The following SPECC1 variants were observed in gnomAD, a reference collection of about 807,000 sequenced individuals.
SPECC1 encodes sperm antigen with calponin homology and coiled-coil domains 1.
In SPECC1, 62 loss-of-function variants were observed where a neutral mutation model predicts 104.1. The observed-to-expected ratio is 0.60, with a 90% CI of 0.49 to 0.74. SPECC1 has a LOEUF of 0.74. Among genes scored for constraint, SPECC1 ranks in the 30% least tolerant of loss-of-function variants. SPECC1 has a pLI of 0.00. For synonymous variants in SPECC1, 513 were observed against 501.6 expected, an observed-to-expected ratio of 1.02 and a Z score of -0.30; for missense variants, 1,306 against 1,310.5, an observed-to-expected ratio of 1.00 and a Z score of 0.05.
intron 12 of SPECC1, among the ~76,000 whole-genome samples, chr17:20,274,325 C>T (rs1024480909): frequency 6.6e-6 from 1 of 152,164 alleles, no homozygotes; most frequent in Non-Finnish European, 1.5e-5. Flanking sequence ...GAGAGCAGGA[C>T]CTGAGTGCGG....
chr17:20,089,021 CTG>C (rs1417587291), intron 1 of SPECC1, among the ~76,000 whole-genome samples: 1 of 152,224 alleles, frequency 6.6e-6, no homozygotes, highest in Non-Finnish European at 1.5e-5. Context: ...GCCTCCAAAA[CTG>C]TAAGCAATGA....
chr17:20,310,405 C>T (rs1053007287), intron 14 of SPECC1, among the ~76,000 whole-genome samples: 4 of 152,040 alleles, frequency 2.6e-5, no homozygotes, highest in South Asian at 2.1e-4. Context: ...TACTTTTTGA[C>T]GTTCTATCAA....
chr17:20,294,185 T>G (rs1012430903), intron 12 of SPECC1, among the ~76,000 whole-genome samples: 1 of 152,178 alleles, frequency 6.6e-6, no homozygotes, highest in Non-Finnish European at 1.5e-5. Context: ...TTTAACCATG[T>G]TGGCTAAGCT....
At chr17:20,145,406 C>T (rs1352179527) in intron 3 of SPECC1, among the ~76,000 whole-genome samples, 2 of 152,142 alleles carry the variant, frequency 1.3e-5, no homozygotes, top group African/African-American at 4.8e-5. Flanking sequence ...TTCAGGGGTT[C>T]GGCATGCCAA....
intron 9 of SPECC1, among the ~76,000 whole-genome samples, chr17:20,248,214 AG>A (rs752796495): frequency 1.3e-5 from 2 of 152,198 alleles, no homozygotes; most frequent in Non-Finnish European, 2.9e-5. Flanking sequence ...AAGCTGCAGA[AG>A]GGAAGCCTTA....
At chr17:20,011,841 A>G (rs1356517201) in intron 1 of SPECC1, among the ~76,000 whole-genome samples, 1 of 151,586 alleles carries the variant, frequency 6.6e-6, no homozygotes, top group Non-Finnish European at 1.5e-5. Context: ...TGTTTTTGTT[A>G]TTTTCTAGGT....
chr17:20,239,678 C>T (rs1338591123), intron 7 of SPECC1, among the ~76,000 whole-genome samples: 1 of 151,774 alleles, frequency 6.6e-6, no homozygotes, highest in Non-Finnish European at 1.5e-5. Context: ...TTTCAAAATA[C>T]TATTGCTGCT....
intron 12 of SPECC1, among the ~76,000 whole-genome samples, chr17:20,265,331 G>A (rs1468513502): frequency 6.6e-6 from 1 of 152,084 alleles, no homozygotes; most frequent in African/African-American, 2.4e-5. Flanking sequence ...ATCTCATTGT[G>A]GTTTTGATTC....
intron 1 of SPECC1, among the ~76,000 whole-genome samples, chr17:20,060,784 G>A (rs1281185657): frequency 6.6e-6 from 1 of 152,152 alleles, no homozygotes; most frequent in African/African-American, 2.4e-5. Context: ...ATTTTGCTCT[G>A]TCAATCCTTC....
At chr17:20,162,773 A>G (rs1041001228) in intron 3 of SPECC1, among the ~76,000 whole-genome samples, 1 of 152,180 alleles carries the variant, frequency 6.6e-6, no homozygotes, top group African/African-American at 2.4e-5. Context: ...CACGCCTGTA[A>G]TCGCAGCACT....
rs1322632902 is a variant in SPECC1 at position 20,070,899 on chromosome 17, A to G, written c.-21-25732A>G. On this transcript the variant is annotated intron_variant, in intron 1 of 14. Coordinates refer to ENST00000395527, the MANE Select transcript of SPECC1 (RefSeq NM_001243439.2). ...TTCTTTATGTATTCTGCCTTTGCCT[A>G]TAGGCTCAGAGAGGCCTCTCCTACC... Among the ~76,000 whole-genome samples, 5 of 151,930 alleles carry G rather than the reference A, an allele frequency of 3.3e-5. No individual in the cohort carries two copies. In the East Asian group the frequency reaches 5.8e-4, roughly 18 times the overall value.
intron 1 of SPECC1, among the ~76,000 whole-genome samples, chr17:20,047,597 G>A (rs547432898): frequency 4.0e-5 from 6 of 151,686 alleles, no homozygotes; most frequent in African/African-American, 1.4e-4. Flanking sequence ...TTTATCTCTC[G>A]TATCTAACTT....
At chr17:20,298,888 A>C (rs1353878918) in intron 13 of SPECC1, among the ~76,000 whole-genome samples, 2 of 148,558 alleles carry the variant, frequency 1.3e-5, no homozygotes, top group Non-Finnish European at 3.0e-5. Flanking sequence ...TTAATTTTTA[A>C]GGTGTTAGAA....
chr17:20,095,215 G>A (rs2047587629), intron 1 of SPECC1, among the ~76,000 whole-genome samples: 1 of 152,166 alleles, frequency 6.6e-6, no homozygotes, highest in Admixed American at 6.5e-5. Flanking sequence ...CTGAACATCT[G>A]TAAAATACAT....
chr17:20,243,995 TTGTC>T lies in SPECC1; in HGVS notation c.2352-1928_2352-1925del, dbSNP rs1002218748. Among the ~76,000 whole-genome samples, 7 of 152,166 alleles carry T rather than the reference TTGTC, an allele frequency of 4.6e-5. No individual in the cohort carries two copies. In the South Asian group the frequency reaches 1.2e-3, roughly 27 times the overall value. ...ACTTTGGGAGGCCAAGGCAGGCAGA[TTGTC>T]TGAGCTCAGGAGGTTGAGACCAGCC... On this transcript the variant is annotated intron_variant, in intron 7 of 14. Transcript: ENST00000395527.
intron 3 of SPECC1, among the ~76,000 whole-genome samples, chr17:20,194,911 A>G (rs1317354896): frequency 1.3e-5 from 2 of 152,204 alleles, no homozygotes; most frequent in Non-Finnish European, 2.9e-5. Context: ...AGAGAAACAA[A>G]TATGCTCAGA....
intron 4 of SPECC1, among the ~76,000 whole-genome samples, chr17:20,209,937 C>T (rs903282745): frequency 6.6e-6 from 1 of 152,120 alleles, no homozygotes; most frequent in Non-Finnish European, 1.5e-5. Flanking sequence ...AGGTGGTATC[C>T]TTAGAATCTT....
At chr17:20,249,503 G>A (rs1382740195) in intron 9 of SPECC1, among the ~76,000 whole-genome samples, 1 of 152,084 alleles carries the variant, frequency 6.6e-6, no homozygotes, top group Non-Finnish European at 1.5e-5. Flanking sequence ...ATAGACAATA[G>A]AAACAGACAC....
intron 3 of SPECC1, among the ~76,000 whole-genome samples, chr17:20,170,967 C>A (rs76801772): frequency 0.041 from 6,285 of 152,234 alleles, 154 homozygotes; most frequent in Middle Eastern, 0.065. Context: ...CTAGCACAAG[C>A]AGCCAAATTT....
Sources: allele counts gnomAD v4.1 joint callset (sites outside exome capture counted in the v4.1 genomes callset), GRCh38; gene constraint gnomAD v4.1.1; transcripts MANE v1.5; gene names NCBI Gene and HGNC (gene_info 2026-07-23, HGNC 2026-07-21).